The following FGF12 variants were observed in gnomAD, a reference collection of about 807,000 sequenced individuals.
FGF12 encodes the protein fibroblast growth factor 12.
Under a neutral mutation model 23.6 loss-of-function variants are expected in FGF12, and 14 were observed. That is an observed-to-expected ratio of 0.59 (90% CI 0.39 to 0.93). FGF12 has a LOEUF of 0.93. FGF12 is among the 40% of genes least tolerant of loss of function. The probability of loss-of-function intolerance (pLI) is 0.00; values close to 1 mark genes in which losing one functional copy is unlikely to be tolerated. For missense variants in FGF12, 175 were observed against 217.8 expected (o/e 0.80, Z 1.24); for synonymous variants, 62 against 77.3 (o/e 0.80, Z 1.04).
chr3:192,170,300 A>AC (rs1461852569), intron 5 of FGF12, among the ~76,000 whole-genome samples, 158 bp downstream of exon 5: 1 of 151,084 alleles, frequency 6.6e-6, no homozygotes, highest in Non-Finnish European at 1.5e-5. Context: ...AAAAAAAAAA[A>AC]AGGAAGAGAT....
intron 4 of FGF12, among the ~76,000 whole-genome samples, chr3:192,191,917 G>C (rs1716815033): frequency 6.6e-6 from 1 of 152,070 alleles, no homozygotes; most frequent in Admixed American, 6.6e-5. Flanking sequence ...ACAGAGTAGG[G>C]GAAAGGTTCC....
At chr3:192,376,261 A>C (rs1440812642) in intron 2 of FGF12, among the ~76,000 whole-genome samples, 1 of 151,754 alleles carries the variant, frequency 6.6e-6, no homozygotes, top group Non-Finnish European at 1.5e-5. Context: ...TTTCTCTTCT[A>C]TTATTTAGAG....
chr3:192,714,465 T>A (rs1718794459), intron 2 of FGF12, among the ~76,000 whole-genome samples: 1 of 152,084 alleles, frequency 6.6e-6, no homozygotes, highest in Non-Finnish European at 1.5e-5. Flanking sequence ...TTGCATAGTT[T>A]TTAGTCTGTT....
At chr3:192,379,276 G>A (rs1002306330) in intron 2 of FGF12, among the ~76,000 whole-genome samples, 4 of 151,996 alleles carry the variant, frequency 2.6e-5, no homozygotes, top group East Asian at 1.9e-4. Context: ...ATGTGTATAT[G>A]ACTATTTAAT....
At chr3:192,628,246 T>G (rs887875422) in intron 2 of FGF12, among the ~76,000 whole-genome samples, 3 of 152,146 alleles carry the variant, frequency 2.0e-5, no homozygotes, top group Non-Finnish European at 2.9e-5. Context: ...TAAACCATTC[T>G]CCTGTTTTAG....
At chr3:192,365,424 G>A (rs901860671) in intron 2 of FGF12, among the ~76,000 whole-genome samples, 1 of 151,972 alleles carries the variant, frequency 6.6e-6, no homozygotes, top group Non-Finnish European at 1.5e-5. Context: ...AAGGAAATCT[G>A]AATAAAGTAT....
intron 4 of FGF12, among the ~76,000 whole-genome samples, chr3:192,274,957 GA>G (rs1171321270): frequency 1.3e-5 from 2 of 151,578 alleles, no homozygotes; most frequent in African/African-American, 4.8e-5. Context: ...TTTTCAAAGG[GA>G]AAAAAAATAC....
At chr3:192,304,906 A>G (rs981484963) in intron 4 of FGF12, among the ~76,000 whole-genome samples, 3 of 152,200 alleles carry the variant, frequency 2.0e-5, no homozygotes, top group Admixed American at 6.6e-5. Flanking sequence ...CATTGTTTGT[A>G]GCACACACAC....
At chr3:192,366,652 A>G (rs1718998322) in intron 2 of FGF12, among the ~76,000 whole-genome samples, 1 of 152,174 alleles carries the variant, frequency 6.6e-6, no homozygotes, top group Non-Finnish European at 1.5e-5. Flanking sequence ...AGTCACTTTA[A>G]AAGAGTACTG....
chr3:192,471,612 T>G (rs187475810), intron 2 of FGF12, among the ~76,000 whole-genome samples: 101 of 152,340 alleles, frequency 6.6e-4, no homozygotes, highest in Non-Finnish European at 1.2e-3. Flanking sequence ...CTCAAATTAC[T>G]TCTTCATCTT....
rs534815427 is a variant in FGF12 at position 192,284,391 on chromosome 3, T to C, written c.228+50970A>G. On this transcript the variant is annotated intron_variant, in intron 4 of 5. Coordinates refer to ENST00000445105, the MANE Select transcript of FGF12 (RefSeq NM_004113.6). ...TGCTAAAATATGCCCCAATTGCTGC[T>C]ATATTCTACTCTGTCCTTCAAATAA... Among the ~76,000 whole-genome samples the C allele has an allele frequency of 2.0e-5, 3 of 152,222 alleles. No individual in the cohort carries two copies. In the South Asian group the frequency reaches 6.2e-4, roughly 32 times the overall value.
At chr3:192,615,953 G>T (rs1560170163) in intron 2 of FGF12, among the ~76,000 whole-genome samples, 1 of 143,248 alleles carries the variant, frequency 7.0e-6, no homozygotes, top group Non-Finnish European at 1.5e-5. Context: ...CAAGTAATGG[G>T]ATTATGGATG....
intron 4 of FGF12, among the ~76,000 whole-genome samples, chr3:192,253,330 G>A (rs1453074448): frequency 6.6e-6 from 1 of 152,032 alleles, no homozygotes; most frequent in East Asian, 1.9e-4. Flanking sequence ...GAAAGGGAAG[G>A]AGGAAATAAG....
chr3:192,219,255 T>G (rs1718353070), intron 4 of FGF12, among the ~76,000 whole-genome samples: 1 of 152,066 alleles, frequency 6.6e-6, no homozygotes, highest in African/African-American at 2.4e-5. Context: ...CGACTGATTT[T>G]TTTATTTTTA....
At chr3:192,590,173 G>A (rs529989261) in intron 2 of FGF12, among the ~76,000 whole-genome samples, 1 of 151,744 alleles carries the variant, frequency 6.6e-6, no homozygotes, top group Non-Finnish European at 1.5e-5. Context: ...TCAAATTCAT[G>A]CATTAATGAG....
At chr3:192,269,213 C>T (rs1713273748) in intron 4 of FGF12, among the ~76,000 whole-genome samples, 1 of 152,208 alleles carries the variant, frequency 6.6e-6, no homozygotes, top group African/African-American at 2.4e-5. Flanking sequence ...AGCTAACATA[C>T]TTGGCCCTAC....
intron 2 of FGF12, among the ~76,000 whole-genome samples, chr3:192,658,031 T>G (rs1313362487): frequency 2.0e-5 from 3 of 152,064 alleles, no homozygotes; most frequent in Admixed American, 1.3e-4. Flanking sequence ...AGGACCTTTA[T>G]CAGCACTTTG....
intron 4 of FGF12, among the ~76,000 whole-genome samples, chr3:192,187,526 C>T (rs1716539134): frequency 6.6e-6 from 1 of 152,186 alleles, no homozygotes; most frequent in African/African-American, 2.4e-5. Context: ...TTTTAGCTAA[C>T]ACTTAAATCC....
At chr3:192,583,212 G>A (rs1026598295) in intron 2 of FGF12, among the ~76,000 whole-genome samples, 3 of 152,174 alleles carry the variant, frequency 2.0e-5, no homozygotes, top group Non-Finnish European at 2.9e-5. Flanking sequence ...CAGGTCAACG[G>A]TGAATATCAC....
Sources: allele counts gnomAD v4.1 joint callset (sites outside exome capture counted in the v4.1 genomes callset), GRCh38; gene constraint gnomAD v4.1.1; transcripts MANE v1.5; gene names NCBI Gene and HGNC (gene_info 2026-07-23, HGNC 2026-07-21).